FAM149A: variants seen among roughly 807,000 people sequenced by gnomAD.
The protein encoded by FAM149A is protein FAM149A.
A neutral mutation model predicts 78.2 loss-of-function variants in FAM149A; 71 were observed. The observed-to-expected ratio is 0.91, with a 90% CI of 0.75 to 1.11. FAM149A has a LOEUF of 1.11. Ranked by LOEUF, FAM149A falls within the 50% of genes least tolerant of loss-of-function variation. The pLI, the probability that FAM149A is intolerant of heterozygous loss-of-function variation, is 0.00. For synonymous variants in FAM149A, 446 were observed against 410.5 expected, an observed-to-expected ratio of 1.09 and a Z score of -1.04; for missense variants, 1,036 against 971.0, an observed-to-expected ratio of 1.07 and a Z score of -0.89.
chr4:186,142,177 G>T (rs575853714), intron 1 of FAM149A, among the ~76,000 whole-genome samples: 3 of 152,230 alleles, frequency 2.0e-5, no homozygotes, highest in Non-Finnish European at 4.4e-5. Context: ...GCAGGAGCCT[G>T]CTGGAACCCG....
At chr4:186,155,147 T>A (rs993557851) in intron 6 of FAM149A, among the ~76,000 whole-genome samples, 1 of 152,086 alleles carries the variant, frequency 6.6e-6, no homozygotes, top group Non-Finnish European at 1.5e-5. Flanking sequence ...AATTTTTTTT[T>A]AGTAGAGACG....
chr4:186,105,857 T>C (rs1282969306), intron 1 of FAM149A, among the ~76,000 whole-genome samples: 1 of 152,248 alleles, frequency 6.6e-6, no homozygotes, highest in East Asian at 1.9e-4. Context: ...TGTCCAGCTT[T>C]CTCAGAGTGA....
intron 1 of FAM149A, 118 bp downstream of exon 1, chr4:186,105,760 ATAACCCCCTGGGCACC>A (rs2099308492): frequency 1.4e-6 from 1 of 703,502 alleles, no homozygotes; most frequent in Admixed American, 6.2e-5. Flanking sequence ...AGTAACTTTC[ATAACCCCCTGGGCACC>A]CTCCTTGCAC....
chr4:186,171,822 A>T, intron 13 of FAM149A, 92 bp from the exon 14 acceptor site: 1 of 846,436 alleles, frequency 1.2e-6, no homozygotes, highest in Non-Finnish European at 1.7e-6. Flanking sequence ...TATATATTTT[A>T]AAGTATTTGC....
intron 11 of FAM149A, 100 bp downstream of exon 11, chr4:186,165,564 A>C: frequency 8.5e-7 from 1 of 1,179,468 alleles, no homozygotes; most frequent in Non-Finnish European, 1.2e-6. Flanking sequence ...TAGTAACATG[A>C]GATCTGAGTA....
rs1735090334 is a variant in FAM149A at position 186,166,980 on chromosome 4, C to T, written c.2023C>T (p.His675Tyr). ...ATCCTTCATTTAGTACAGAGGAAGG[C>T]ATCTACAAAACCGTGTGTTGAGTGC... is the stretch of plus-strand genomic sequence containing the variant. The change falls in exon 12 of 14, where the codon CAT (histidine) becomes TAT (tyrosine). Residue 675 changes from histidine to tyrosine, a missense_variant. His to Tyr is a moderately conservative substitution (Grantham distance 83). Coordinates refer to ENST00000389354, the MANE Select transcript of FAM149A (RefSeq NM_001367768.3). 6.2e-7 allele frequency: 1 copy of T among 1,613,774 alleles called. No homozygotes were observed. Among genetic ancestry groups the T allele is most frequent in the Non-Finnish European group, 8.5e-7 (1 of 1,179,810 alleles).
chr4:186,148,554 G>A (rs1733231283), intron 1 of FAM149A, among the ~76,000 whole-genome samples: 1 of 152,140 alleles, frequency 6.6e-6, no homozygotes, highest in Admixed American at 6.5e-5. Flanking sequence ...CAGGAACTGT[G>A]CTACACCAGT....
Position 186,163,444 on chromosome 4 carries a change from C to T in FAM149A, c.1700C>T (p.Ala567Val), listed in dbSNP as rs1415440993. 8.7e-6 allele frequency: 14 copies of T among 1,613,608 alleles called. No individual in the cohort carries two copies. Among genetic ancestry groups the T allele is most frequent in the Non-Finnish European group, 1.2e-5 (14 of 1,179,982 alleles). Reference sequence around the variant, plus strand: ...CCCAGGAATGAGAAGGAGGACAAAGCATCGGGTGGAGGGGCAGGTGCTCTC... The same window carrying T: ...CCCAGGAATGAGAAGGAGGACAAAGTATCGGGTGGAGGGGCAGGTGCTCTC... Residue 567 changes from alanine (A) to valine (V), a missense_variant, in exon 10 of 14, where the codon GCA becomes GTA. Ala to Val is a moderately conservative substitution (Grantham distance 64). Around this residue, in one of 3 missense-constraint regions of FAM149A, gnomAD observed 716 missense variants for 711.8 expected, o/e 1.01. Transcript: ENST00000389354.
At position 186,167,067 on chromosome 4, in the gene FAM149A, T is replaced by A; in HGVS notation, c.2110T>A (p.Ser704Thr). The A allele has an allele frequency of 6.2e-7, 1 of 1,614,200 alleles. No homozygotes were observed. The highest frequency in any genetic ancestry group is 1.7e-5 in the Admixed American group (1 of 60,026). ...AAGAACAGCCACCCTGGAACGGTTG[T>A]CAAGGCCCAGCACAACCCACACGTT... Residue 704 changes from serine (S) to threonine (T), a missense_variant, in exon 12 of 14, where the codon TCA (serine) becomes ACA (threonine). Ser to Thr is a moderately conservative substitution (Grantham distance 58). This residue lies in a region of FAM149A where 716 missense variants were observed against 711.8 expected (regional missense o/e 1.01). Coordinates refer to ENST00000389354, the MANE Select transcript of FAM149A (RefSeq NM_001367768.3).
At chr4:186,124,762 C>A (rs1388184889) in intron 1 of FAM149A, among the ~76,000 whole-genome samples, 2 of 152,138 alleles carry the variant, frequency 1.3e-5, no homozygotes, top group African/African-American at 2.4e-5. Flanking sequence ...GATTTATAAT[C>A]CTTTGGGTAT....
chr4:186,140,643 G>C (rs925839785), intron 1 of FAM149A, among the ~76,000 whole-genome samples: 1 of 151,930 alleles, frequency 6.6e-6, no homozygotes, highest in Non-Finnish European at 1.5e-5. Context: ...TAGGAATTGA[G>C]GTCTCCCATT....
chr4:186,131,954 T>C (rs2099320909), intron 1 of FAM149A: 1 of 985,328 alleles, frequency 1.0e-6, no homozygotes, highest in African/African-American at 1.7e-5. Flanking sequence ...CTGTAGTTAA[T>C]TGTTGGGAAA....
At chr4:186,157,907 C>T in intron 8 of FAM149A, 188 bp downstream of exon 8, 3 of 1,533,906 alleles carry the variant, frequency 2.0e-6, no homozygotes, top group Non-Finnish European at 2.6e-6. Flanking sequence ...TGCCTGGAGA[C>T]CTGGACGTCC....
rs1181931531 is a variant in FAM149A at position 186,105,361 on chromosome 4, C to T, written c.285C>T (p.Leu95=). 1.3e-5 allele frequency: 16 copies of T among 1,187,606 alleles called. No individual in the cohort carries two copies. Among genetic ancestry groups the T allele is most frequent in the South Asian group, 3.1e-5 (2 of 65,286 alleles). The allele number at this position is 1,187,606 out of a possible 1,614,324, so 73.6% of individuals were successfully genotyped here. A position where few individuals can be genotyped will look rare whatever the true frequency, so the allele number is the denominator to read the frequency against. Residue 95 remains leucine, a synonymous_variant, in exon 1 of 14, where the codon CTC becomes CTT. Transcript: ENST00000389354. ...CCGCGGGAGCAGTGGGGACCCTGCT[C>T]TCTTGGCCCAGTAGCCCTAGAGCGG...
intron 1 of FAM149A, chr4:186,125,863 G>A (rs1041874739): frequency 1.0e-5 from 10 of 985,300 alleles, no homozygotes; most frequent in East Asian, 1.1e-4. Flanking sequence ...AAGAAGCAAC[G>A]TAGAGGAGTG....
intron 1 of FAM149A, chr4:186,127,441 A>T (rs1005043048): frequency 1.7e-5 from 17 of 985,334 alleles, no homozygotes; most frequent in Non-Finnish European, 1.8e-5. Context: ...AGGAATGCTC[A>T]GAAGAGATGT....
At chr4:186,142,394 A>G (rs2099326207) in intron 1 of FAM149A, among the ~76,000 whole-genome samples, 1 of 152,216 alleles carries the variant, frequency 6.6e-6, no homozygotes. Context: ...ACTTCTGAGC[A>G]TCTTGAAAGA....
At chr4:186,154,093 T>C (rs1733832590) in intron 5 of FAM149A, among the ~76,000 whole-genome samples, 1 of 152,138 alleles carries the variant, frequency 6.6e-6, no homozygotes, top group Admixed American at 6.5e-5. Context: ...TGTGATGGAT[T>C]ATAAGCCTCC....
intron 1 of FAM149A, among the ~76,000 whole-genome samples, chr4:186,126,322 C>T (rs761437073): frequency 1.8e-4 from 27 of 152,254 alleles, no homozygotes; most frequent in Admixed American, 3.3e-4. Flanking sequence ...GGTGGTGTGA[C>T]GGTCAATTTT....
Sources: allele counts gnomAD v4.1 joint callset (sites outside exome capture counted in the v4.1 genomes callset), GRCh38; gene constraint gnomAD v4.1.1; regional missense constraint gnomAD v4.1.1; transcripts MANE v1.5; gene names NCBI Gene and HGNC (gene_info 2026-07-23, HGNC 2026-07-21).